The following DNAJC8 variants were observed in gnomAD, a reference collection of about 807,000 sequenced individuals.
DNAJC8 encodes DnaJ heat shock protein family (Hsp40) member C8, also known as dnaJ homolog subfamily C member 8.
A neutral mutation model predicts 43.2 loss-of-function variants in DNAJC8; 24 were observed. The observed-to-expected ratio is 0.56, with a 90% confidence interval of 0.40 to 0.78. DNAJC8 has a LOEUF of 0.78. DNAJC8 is among the 30% of genes least tolerant of loss of function. The pLI is 0.00. For missense variants in DNAJC8, 207 were observed against 299.4 expected, an observed-to-expected ratio of 0.69 and a Z score of 2.28; for synonymous variants, 83 against 98.0, an observed-to-expected ratio of 0.85 and a Z score of 0.90.
chr1:28,201,764 G>C (rs1000784570), intron 8 of DNAJC8, among the ~76,000 whole-genome samples: 4 of 135,740 alleles, frequency 2.9e-5, no homozygotes, highest in African/African-American at 5.8e-5. Context: ...ACTCCAGCCT[G>C]AACAACAAGA....
chr1:28,202,978 A>T (rs913749597), intron 8 of DNAJC8, among the ~76,000 whole-genome samples: 3 of 152,042 alleles, frequency 2.0e-5, no homozygotes, highest in Non-Finnish European at 4.4e-5. Flanking sequence ...AGGTTAAATG[A>T]TTTTCTAAAA....
At chr1:28,232,411 G>A (rs537634771) in intron 1 of DNAJC8, among the ~76,000 whole-genome samples, 17 of 152,334 alleles carry the variant, frequency 1.1e-4, no homozygotes, top group African/African-American at 4.1e-4. Flanking sequence ...CAAGCAAGCT[G>A]TAACCTACTG....
intron 2 of DNAJC8, among the ~76,000 whole-genome samples, chr1:28,221,943 T>A (rs1232823889): frequency 6.6e-6 from 1 of 152,080 alleles, no homozygotes; most frequent in South Asian, 2.1e-4. Context: ...TGCTACAACA[T>A]TGAAGAACCC....
At chr1:28,231,719 GAAAA>G (rs113876916) in intron 1 of DNAJC8, among the ~76,000 whole-genome samples, 2 of 143,874 alleles carry the variant, frequency 1.4e-5, no homozygotes, top group Non-Finnish European at 3.1e-5. Context: ...TCCGCCTTAG[GAAAA>G]AAAAAAAGAA....
chr1:28,227,684 G>A (rs1184729495), intron 2 of DNAJC8, among the ~76,000 whole-genome samples: 1 of 152,050 alleles, frequency 6.6e-6, no homozygotes, highest in Non-Finnish European at 1.5e-5. Context: ...AGCAGGTCAA[G>A]GAGATCACTT....
intron 2 of DNAJC8, among the ~76,000 whole-genome samples, chr1:28,217,790 GC>G: frequency 6.6e-6 from 1 of 152,078 alleles, no homozygotes; most frequent in African/African-American, 2.4e-5. Context: ...AACTAATCAT[GC>G]CAAATGTAAT....
At chr1:28,232,582 G>A (rs1016599948) in intron 1 of DNAJC8, among the ~76,000 whole-genome samples, 2 of 152,186 alleles carry the variant, frequency 1.3e-5, no homozygotes, top group Non-Finnish European at 2.9e-5. Flanking sequence ...AAACGTCTCG[G>A]GGGCCAAGAA....
At chr1:28,229,812 GA>G (rs990802231) in intron 1 of DNAJC8, among the ~76,000 whole-genome samples, 9 of 150,974 alleles carry the variant, frequency 6.0e-5, no homozygotes, top group African/African-American at 2.2e-4. Context: ...TCTCTGTGAG[GA>G]AAAAAAATAA....
At chr1:28,209,696 G>A (rs1646797585) in intron 5 of DNAJC8, among the ~76,000 whole-genome samples, 1 of 152,200 alleles carries the variant, frequency 6.6e-6, no homozygotes, top group Non-Finnish European at 1.5e-5. Context: ...AATATGTGAT[G>A]AGAGGGAGAG....
intron 6 of DNAJC8, among the ~76,000 whole-genome samples, chr1:28,205,601 G>A (rs938558389): frequency 2.0e-5 from 3 of 152,122 alleles, no homozygotes; most frequent in African/African-American, 4.8e-5. Context: ...TAAAACTAGC[G>A]TGCAGGCCAG....
chr1:28,220,393 C>G (rs953407556), intron 2 of DNAJC8, among the ~76,000 whole-genome samples: 3 of 152,200 alleles, frequency 2.0e-5, no homozygotes. Context: ...AGATACTGTG[C>G]TCACTACTTT....
chr1:28,231,042 A>G (rs1287985537), intron 1 of DNAJC8, among the ~76,000 whole-genome samples: 1 of 152,162 alleles, frequency 6.6e-6, no homozygotes, highest in Non-Finnish European at 1.5e-5. Flanking sequence ...TTTCTTATAC[A>G]ATAACTTTAG....
In DNAJC8 at chr1:28,200,352, A is replaced by AT. The variant is rs1181355412; in HGVS notation, c.*895_*896insA. The stretch of plus-strand genomic sequence containing the variant: ...TACACAGAAATAATAGGATATTGGC[A>AT]ATACCCAAGGAGCACTATGGTAGTT... On this transcript the variant is annotated 3_prime_UTR_variant, in exon 9 of 9. Transcript: ENST00000263697. The AT allele has an allele frequency of 1.1e-5, 4 of 380,092 alleles. No individual in the cohort carries two copies. The highest frequency in any genetic ancestry group is 4.2e-5 in the African/African-American group (2 of 47,062). The allele number at this position is 380,092 out of a possible 1,614,324, so 23.5% of individuals were successfully genotyped here.
intron 1 of DNAJC8, 110 bp from the exon 2 acceptor site, chr1:28,229,133 C>T (rs1646957300): frequency 4.4e-6 from 4 of 900,788 alleles, no homozygotes; most frequent in Non-Finnish European, 6.8e-6. Flanking sequence ...GTGTGTTTAC[C>T]ATGTGCAAGA....
At chr1:28,229,639 G>A (rs1490740498) in intron 1 of DNAJC8, among the ~76,000 whole-genome samples, 1 of 151,940 alleles carries the variant, frequency 6.6e-6, no homozygotes, top group Non-Finnish European at 1.5e-5. Flanking sequence ...GCTGGGCATG[G>A]TGGCATGGCG....
At chr1:28,207,663 C>T (rs1399482113) in intron 6 of DNAJC8, among the ~76,000 whole-genome samples, 2 of 148,424 alleles carry the variant, frequency 1.3e-5, no homozygotes, top group Admixed American at 6.7e-5. Context: ...CGGATGGTCT[C>T]GAACTCCTGA....
chr1:28,216,089 C>T (rs1248762708), intron 2 of DNAJC8, among the ~76,000 whole-genome samples: 4 of 151,944 alleles, frequency 2.6e-5, no homozygotes, highest in Non-Finnish European at 5.9e-5. Flanking sequence ...TGGCTCACGC[C>T]TGTAATCCCA....
At chr1:28,211,633 A>G (rs962064001) in intron 3 of DNAJC8, among the ~76,000 whole-genome samples, 7 of 152,036 alleles carry the variant, frequency 4.6e-5, no homozygotes, top group African/African-American at 1.7e-4. Flanking sequence ...TCTAATTTCC[A>G]CCCTCAGACC....
intron 2 of DNAJC8, among the ~76,000 whole-genome samples, chr1:28,216,805 TTTC>T (rs1269822355): frequency 1.3e-5 from 2 of 149,576 alleles, no homozygotes; most frequent in Non-Finnish European, 3.0e-5. Flanking sequence ...GGTGGGGCGA[TTTC>T]TTTTTTTTTT....
Sources: gnomAD v4.1 joint callset for allele counts (sites outside exome capture counted in the v4.1 genomes callset) on GRCh38, gnomAD v4.1.1 for gene constraint, MANE v1.5 for transcripts, NCBI Gene and HGNC (gene_info 2026-07-23, HGNC 2026-07-21) for gene names.